The following GBP7 variants were observed in gnomAD, a reference collection of about 807,000 sequenced individuals.
The protein encoded by GBP7 is guanylate-binding protein 7.
A neutral mutation model predicts 61.3 loss-of-function variants in GBP7; 43 were observed. The ratio of observed to expected loss-of-function variants is 0.70; its 90% CI spans 0.55 to 0.91. The LOEUF is 0.91. Ranked by LOEUF, GBP7 falls within the 40% of genes least tolerant of loss-of-function variation. The pLI is 0.00. For missense variants in GBP7, 717 were observed against 740.5 expected (o/e 0.97, Z 0.37); for synonymous variants, 267 against 271.0 (o/e 0.99, Z 0.14).
intron 8 of GBP7, among the ~76,000 whole-genome samples, chr1:89,145,880 A>G (rs911049487): frequency 2.3e-5 from 3 of 130,794 alleles, no homozygotes; most frequent in Non-Finnish European, 5.0e-5. Context: ...AATATTGTTA[A>G]AATGTTCATA....
chr1:89,166,816 A>G (rs2100659680), intron 2 of GBP7, among the ~76,000 whole-genome samples: 1 of 152,342 alleles, frequency 6.6e-6, no homozygotes. Flanking sequence ...AAGTGGTCTA[A>G]CTTGCAATCA....
chr1:89,135,815 A>G (rs965388747), intron 9 of GBP7, among the ~76,000 whole-genome samples: 3 of 151,978 alleles, frequency 2.0e-5, no homozygotes, highest in African/African-American at 7.3e-5. Context: ...ACATATCAAT[A>G]TTAACTTTGA....
chr1:89,150,258 C>T (rs1419500410), intron 6 of GBP7, 72 bp downstream of exon 6: 2 of 1,420,586 alleles, frequency 1.4e-6, no homozygotes, highest in Non-Finnish European at 9.8e-7. Context: ...TGTTCGTGCT[C>T]ATAAGCTTAG....
intron 3 of GBP7, among the ~76,000 whole-genome samples, chr1:89,155,579 A>G (rs192776546): frequency 3.3e-4 from 50 of 152,336 alleles, no homozygotes; most frequent in Admixed American, 2.9e-3. Flanking sequence ...TCAGTAGCCA[A>G]TTTGATCAAG....
chr1:89,170,232 G>C (rs916799806), intron 2 of GBP7, among the ~76,000 whole-genome samples: 5 of 152,056 alleles, frequency 3.3e-5, no homozygotes, highest in African/African-American at 1.2e-4. Context: ...TGTTTAATTG[G>C]CCTCTTGGTT....
At position 89,171,822 on chromosome 1, in the gene GBP7, T is replaced by G; in HGVS notation, c.114A>C (p.Val38=). 3 of 1,613,864 alleles carry G rather than the reference T, an allele frequency of 1.9e-6. No individual in the cohort carries two copies. The highest frequency in any genetic ancestry group is 2.5e-6 in the Non-Finnish European group (3 of 1,179,928). ...LEILSAITQP[V]VVVAIVGLYR... ...AGAGGCCCACAATTGCCACCACTAC[T>G]ACAGGCTGTGTAATGGCAGACAGGA... is the stretch of plus-strand genomic sequence containing the variant. Residue 38 remains valine (V), a synonymous_variant, in exon 2 of 11, where the codon GTA becomes GTC. Transcript: ENST00000294671.
chr1:89,141,006 A>T (rs1371248310), intron 9 of GBP7, among the ~76,000 whole-genome samples: 1 of 152,146 alleles, frequency 6.6e-6, no homozygotes, highest in African/African-American at 2.4e-5. Flanking sequence ...TTGAGTACAC[A>T]TGGACACAAA....
In GBP7 at chr1:89,131,972, T is replaced by C. The variant is rs1681687048; in HGVS notation, c.*177A>G. On this transcript the variant is annotated 3_prime_UTR_variant, in exon 11 of 11. Coordinates refer to ENST00000294671, the MANE Select transcript of GBP7 (RefSeq NM_207398.3). Reference sequence around the variant, plus strand: ...AGGAATAATTTTATCTTCTAACTTGTTCCCCATTTCTATTAATTATTACTT... The same window carrying C: ...AGGAATAATTTTATCTTCTAACTTGCTCCCCATTTCTATTAATTATTACTT... The C allele has an allele frequency of 2.1e-6, 1 of 471,228 alleles. No individual in the cohort carries two copies. Among genetic ancestry groups the C allele is most frequent in the African/African-American group, 2.0e-5 (1 of 50,110 alleles). 29.2% of individuals were successfully genotyped at this position (471,228 alleles called of 1,614,324 possible).
At chr1:89,162,498 T>A (rs1026455724) in intron 3 of GBP7, among the ~76,000 whole-genome samples, 1 of 152,216 alleles carries the variant, frequency 6.6e-6, no homozygotes, top group Non-Finnish European at 1.5e-5. Flanking sequence ...TTTACCTCCC[T>A]AGTTAGCTGT....
intron 7 of GBP7, among the ~76,000 whole-genome samples, chr1:89,148,859 G>T (rs966134655): frequency 6.6e-6 from 1 of 152,068 alleles, no homozygotes; most frequent in East Asian, 1.9e-4. Flanking sequence ...AATTCTATAT[G>T]TATAATGCTT....
At chr1:89,156,520 A>G (rs1682318560) in intron 3 of GBP7, among the ~76,000 whole-genome samples, 2 of 152,014 alleles carry the variant, frequency 1.3e-5, no homozygotes, top group African/African-American at 4.8e-5. Flanking sequence ...TCTACCAAGC[A>G]AATGGAAAAC....
chr1:89,144,413 G>GAAT (rs918976788), intron 8 of GBP7, among the ~76,000 whole-genome samples: 5 of 151,942 alleles, frequency 3.3e-5, no homozygotes, highest in Admixed American at 1.3e-4. Context: ...TTGCTGGGTT[G>GAAT]AATAATAATA....
Position 89,133,296 on chromosome 1 carries a change from TA to T in GBP7, c.1623del (p.Tyr541Ter). On this transcript the variant is annotated frameshift_variant, in exon 10 of 11. Transcript: ENST00000294671. LOFTEE classifies it low-confidence loss of function (END_TRUNC). ...KKKMEREREN[Y>X]MRELRKMLSH... ...CTCAACATCTTTCTCAGTTCTCTCA[TA>T]TAGTTTTCCCTTTCCCTCTCCATCT... is the stretch of plus-strand genomic sequence containing the variant. 1 of 1,335,604 alleles carries T rather than the reference TA, an allele frequency of 7.5e-7. No individual in the cohort carries two copies. The highest frequency in any genetic ancestry group is 1.0e-6 in the Non-Finnish European group (1 of 953,766). The allele number at this position is 1,335,604 out of a possible 1,614,324, so 82.7% of individuals were successfully genotyped here.
rs919313106 is a variant in GBP7 at position 89,150,414 on chromosome 1, T to C, written c.787A>G (p.Met263Val). 6.2e-7 allele frequency: 1 copy of C among 1,613,904 alleles called. No homozygotes were observed. Among genetic ancestry groups the C allele is most frequent in the Non-Finnish European group, 8.5e-7 (1 of 1,179,770 alleles). The change falls in exon 6 of 11, where the codon ATG (methionine) becomes GTG (valine). Residue 263 changes from methionine to valine, a missense_variant. By Grantham distance (21) the Met-to-Val change is conservative. This residue lies in a region of GBP7 where 387 missense variants were observed against 385.2 expected (regional missense o/e 1.00). Coordinates refer to ENST00000294671, the MANE Select transcript of GBP7 (RefSeq NM_207398.3). The stretch of plus-strand genomic sequence containing the variant: ...TAAGAACAGAAATTTTCTGATTGCA[T>C]CTGGAAATTACTATCCAGTTGGTCT... ...REDQLDSNFQMQSENFCSYIF... is the reference protein window; with the variant it reads ...REDQLDSNFQVQSENFCSYIF...
chr1:89,164,667 C>T, intron 3 of GBP7, 64 bp downstream of exon 3: 1 of 1,499,292 alleles, frequency 6.7e-7, no homozygotes, highest in Non-Finnish European at 9.3e-7. Flanking sequence ...TGGATTGATA[C>T]TATGCATAAA....
chr1:89,152,526 A>G lies in GBP7; in HGVS notation c.429-62T>C, dbSNP rs1055878707. On this transcript the variant is annotated intron_variant, in intron 4 of 10. Coordinates refer to ENST00000294671, the MANE Select transcript of GBP7 (RefSeq NM_207398.3). ...CATCATTTCCACATCTCACTTAGAA[A>G]CAAGTTTTATACACATTCCCTTTTG... 1.9e-5 allele frequency: 30 copies of G among 1,558,796 alleles called. 1 individual carries two copies. In the South Asian group the frequency reaches 1.9e-4, roughly 10 times the overall value.
chr1:89,132,289 A>G lies in GBP7; in HGVS notation c.1777T>C (p.Phe593Leu). 6.2e-7 allele frequency: 1 copy of G among 1,614,046 alleles called. No homozygotes were observed. Among genetic ancestry groups the G allele is most frequent in the Non-Finnish European group, 8.5e-7 (1 of 1,179,982 alleles). Residue 593 changes from phenylalanine (F) to leucine (L), a missense_variant, in exon 11 of 11, where the codon TTT (phenylalanine) becomes CTT (leucine). Around this residue, in one of 3 missense-constraint regions of GBP7, gnomAD observed 312 missense variants for 310.1 expected, o/e 1.01. Coordinates refer to ENST00000294671, the MANE Select transcript of GBP7 (RefSeq NM_207398.3). ...CCAGCCACATCAAGAATCTGTGAAA[A>G]CACTGAGGGCTCTTCATTTTCAGCT... ...EAAENEEPSV[F>L]SQILDVAGSI...
At chr1:89,135,846 C>T (rs553363458) in intron 9 of GBP7, among the ~76,000 whole-genome samples, 1 of 152,130 alleles carries the variant, frequency 6.6e-6, no homozygotes, top group South Asian at 2.1e-4. Flanking sequence ...GCTAACAACC[C>T]CAATTAAAAG....
intron 2 of GBP7, among the ~76,000 whole-genome samples, chr1:89,165,105 A>G (rs570420960): frequency 6.6e-6 from 1 of 152,212 alleles, no homozygotes; most frequent in Non-Finnish European, 1.5e-5. Context: ...TGTAAACTCT[A>G]TTAACCTGTT....
Sources: gnomAD v4.1 joint callset for allele counts (sites outside exome capture counted in the v4.1 genomes callset) on GRCh38, gnomAD v4.1.1 for gene constraint, gnomAD v4.1.1 regional missense constraint, MANE v1.5 for transcripts, NCBI Gene and HGNC (gene_info 2026-07-23, HGNC 2026-07-21) for gene names.